Variants in GTF2E2 observed in about 807,000 individuals in gnomAD.
GTF2E2 encodes general transcription factor IIE subunit 2, also known as transcription initiation factor IIE subunit beta.
A neutral mutation model predicts 40.5 loss-of-function variants in GTF2E2; 21 were observed. The ratio of observed to expected loss-of-function variants is 0.52; its 90% CI spans 0.37 to 0.75. The LOEUF (loss-of-function observed/expected upper bound fraction) is 0.75. Ranked by LOEUF, GTF2E2 falls within the 30% of genes least tolerant of loss-of-function variation. The pLI is 0.00. For missense variants in GTF2E2, 298 were observed against 338.4 expected, an observed-to-expected ratio of 0.88 and a Z score of 0.94; for synonymous variants, 117 against 121.6, an observed-to-expected ratio of 0.96 and a Z score of 0.25.
intron 2 of GTF2E2, among the ~76,000 whole-genome samples, chr8:30,637,626 C>A (rs750795352): frequency 5.3e-5 from 8 of 152,142 alleles, no homozygotes; most frequent in African/African-American, 1.9e-4. Flanking sequence ...CGGGTTCAAG[C>A]AATTCTCCTG....
intron 3 of GTF2E2, among the ~76,000 whole-genome samples, chr8:30,615,109 T>C (rs965633638): frequency 7.9e-5 from 12 of 151,980 alleles, no homozygotes; most frequent in Non-Finnish European, 8.8e-5. Flanking sequence ...TGAAACCCCA[T>C]GTCTACTAAA....
rs191134925 is a variant in GTF2E2, at chr8:30,602,071, G to A, written c.643+4986C>T. 3.2e-3 allele frequency among the ~76,000 whole-genome samples: 475 copies of A among 150,468 alleles called. 1 individual carries two copies. Among genetic ancestry groups the A allele is most frequent in the African/African-American group, 0.011 (455 of 40,888 alleles). On this transcript the variant is annotated intron_variant, in intron 6 of 7. Transcript: ENST00000355904. ...CTTGCTCTGTTGTCCAGGTTGGAGT[G>A]CAGTGGCACAATCTAGGCTCACTAC... is the stretch of plus-strand genomic sequence containing the variant.
chr8:30,645,737 AG>A (rs201745050), intron 2 of GTF2E2: 34 of 811,928 alleles, frequency 4.2e-5, no homozygotes, highest in Non-Finnish European at 5.4e-5. Context: ...GGGAAAAAAA[AG>A]TTAAACATGC....
At chr8:30,636,770 T>A (rs1020105163) in intron 2 of GTF2E2, among the ~76,000 whole-genome samples, 1 of 151,782 alleles carries the variant, frequency 6.6e-6, no homozygotes, top group African/African-American at 2.4e-5. Context: ...GGAGAATCAC[T>A]TGAACGAGAG....
At chr8:30,592,872 A>G (rs1828889759) in intron 6 of GTF2E2, among the ~76,000 whole-genome samples, 3 of 152,180 alleles carry the variant, frequency 2.0e-5, no homozygotes, top group Admixed American at 2.0e-4. Flanking sequence ...CCAGAATACC[A>G]TCCATCTTGG....
intron 6 of GTF2E2, among the ~76,000 whole-genome samples, chr8:30,587,951 A>T (rs1828731952): frequency 1.3e-5 from 2 of 152,152 alleles, no homozygotes; most frequent in Non-Finnish European, 2.9e-5. Flanking sequence ...GGGAAATACA[A>T]ATCAAAACCA....
chr8:30,611,619 T>C (rs571179684), intron 5 of GTF2E2, among the ~76,000 whole-genome samples: 25 of 152,088 alleles, frequency 1.6e-4, no homozygotes, highest in East Asian at 3.9e-4. Flanking sequence ...AATGGATTAA[T>C]AGAACAGAAA....
At chr8:30,595,893 G>A (rs901792627) in intron 6 of GTF2E2, among the ~76,000 whole-genome samples, 3 of 152,056 alleles carry the variant, frequency 2.0e-5, no homozygotes, top group African/African-American at 7.2e-5. Flanking sequence ...GAAGAGAAAA[G>A]AAAAGAAAAG....
At chr8:30,584,682 C>A (rs1828620996) in intron 6 of GTF2E2, 1 of 152,172 alleles carries the variant, frequency 6.6e-6, no homozygotes, top group African/African-American at 2.4e-5. Context: ...GCCAACTTAC[C>A]AATGAGGCTT....
chr8:30,633,009 T>C (rs1331474574), intron 3 of GTF2E2, among the ~76,000 whole-genome samples: 1 of 152,200 alleles, frequency 6.6e-6, no homozygotes, highest in Non-Finnish European at 1.5e-5. Context: ...GACAGCTGCA[T>C]TCATTTAAGA....
intron 1 of GTF2E2, 28 bp from the exon 2 acceptor site, chr8:30,653,630 T>G: frequency 6.4e-7 from 1 of 1,560,698 alleles, no homozygotes; most frequent in Non-Finnish European, 8.7e-7. Context: ...GTGTCTTTAA[T>G]ACAAATTCAA....
chr8:30,598,282 CA>C (rs1829071308), intron 6 of GTF2E2, among the ~76,000 whole-genome samples: 1 of 152,172 alleles, frequency 6.6e-6, no homozygotes, highest in African/African-American at 2.4e-5. Flanking sequence ...ACCTGATATG[CA>C]AAGAAGCTTA....
At chr8:30,611,838 A>C (rs1829484558) in intron 5 of GTF2E2, among the ~76,000 whole-genome samples, 1 of 152,222 alleles carries the variant, frequency 6.6e-6, no homozygotes, top group Non-Finnish European at 1.5e-5. Context: ...GTGAGTTTCA[A>C]ATTTAAACTG....
intron 6 of GTF2E2, among the ~76,000 whole-genome samples, chr8:30,582,193 G>T (rs1228426797): frequency 6.6e-6 from 1 of 152,058 alleles, no homozygotes; most frequent in African/African-American, 2.4e-5. Flanking sequence ...TTCTGGGGGG[G>T]TGGGGGGTTG....
chr8:30,623,910 A>C (rs1801188244), intron 3 of GTF2E2, among the ~76,000 whole-genome samples: 1 of 151,864 alleles, frequency 6.6e-6, no homozygotes, highest in Admixed American at 6.6e-5. Context: ...TCTGGATATC[A>C]GCCCTTTGTC....
At chr8:30,616,085 T>C (rs1800910576) in intron 3 of GTF2E2, among the ~76,000 whole-genome samples, 1 of 152,160 alleles carries the variant, frequency 6.6e-6, no homozygotes, top group Non-Finnish European at 1.5e-5. Flanking sequence ...AAAGGATACA[T>C]ACTGTATGGC....
chr8:30,581,430 C>T lies in GTF2E2; in HGVS notation c.644-1034G>A, dbSNP rs182376334. ...CTTTTCCCCTTTTCCTTCCTTCCCC[C>T]TTTCTCTCTCATTTCAGTACACGCT... On this transcript the variant is annotated intron_variant, in intron 6 of 7. Coordinates refer to ENST00000355904, the MANE Select transcript of GTF2E2 (RefSeq NM_002095.6). Among the ~76,000 whole-genome samples the T allele has an allele frequency of 2.1e-3, 320 of 152,262 alleles. 3 individuals are homozygous for T. Among genetic ancestry groups the T allele is most frequent in the Non-Finnish European group, 2.3e-3 (154 of 68,036 alleles).
chr8:30,635,986 C>T (rs1186062358), intron 2 of GTF2E2, among the ~76,000 whole-genome samples: 1 of 152,192 alleles, frequency 6.6e-6, no homozygotes, highest in Non-Finnish European at 1.5e-5. Flanking sequence ...ACTGCCACTG[C>T]ATGAACATGG....
intron 6 of GTF2E2, among the ~76,000 whole-genome samples, chr8:30,593,568 T>C (rs1306710337): frequency 2.0e-5 from 3 of 151,914 alleles, no homozygotes; most frequent in East Asian, 1.9e-4. Flanking sequence ...TCATGGCTTA[T>C]TGCAACCTCC....
Sources: gnomAD v4.1 joint callset for allele counts (sites outside exome capture counted in the v4.1 genomes callset) on GRCh38, gnomAD v4.1.1 for gene constraint, MANE v1.5 for transcripts, NCBI Gene and HGNC (gene_info 2026-07-23, HGNC 2026-07-21) for gene names.